PCDHA2: variants seen among roughly 807,000 people sequenced by gnomAD.
PCDHA2 encodes protocadherin alpha-2.
A neutral mutation model predicts 66.0 loss-of-function variants in PCDHA2; 58 were observed. The observed-to-expected ratio is 0.88, with a 90% confidence interval of 0.71 to 1.09. The LOEUF is 1.09. Ranked by LOEUF, PCDHA2 falls within the 50% of genes least tolerant of loss-of-function variation. The pLI is 0.00. For synonymous variants in PCDHA2, 634 were observed against 554.0 expected (o/e 1.14, Z -2.03); for missense variants, 1,267 against 1,242.3 (o/e 1.02, Z -0.30).
intron 1 of PCDHA2, chr5:140,811,807 A>G (rs1189354264): frequency 2.0e-5 from 3 of 152,152 alleles, no homozygotes; most frequent in African/African-American, 7.2e-5. Context: ...TCTTTTGAGA[A>G]GTGTCTGTTC....
At chr5:140,982,218 G>A (rs1054533925) in intron 2 of PCDHA2, 11 of 523,574 alleles carry the variant, frequency 2.1e-5, no homozygotes, top group African/African-American at 7.7e-5. Context: ...GCCACATGGC[G>A]TTAATAAAAA....
intron 1 of PCDHA2, chr5:140,825,838 T>A (rs1768731897): frequency 6.6e-6 from 1 of 152,416 alleles, no homozygotes; most frequent in Non-Finnish European, 1.5e-5. Context: ...AAAATAAATA[T>A]ACCATGATAC....
At chr5:140,991,614 A>G (rs1554252334) in intron 3 of PCDHA2, among the ~76,000 whole-genome samples, 2 of 152,194 alleles carry the variant, frequency 1.3e-5, no homozygotes, top group Non-Finnish European at 2.9e-5. Flanking sequence ...AGCACCTTTA[A>G]TGCCATATTT....
intron 3 of PCDHA2, among the ~76,000 whole-genome samples, chr5:140,995,046 A>C (rs193191582): frequency 1.9e-4 from 29 of 152,184 alleles, no homozygotes; most frequent in Non-Finnish European, 3.7e-4. Context: ...CCTTAACTCT[A>C]CTGAATTTTC....
At chr5:140,911,168 T>C (rs1315264734) in intron 1 of PCDHA2, among the ~76,000 whole-genome samples, 1 of 152,190 alleles carries the variant, frequency 6.6e-6, no homozygotes, top group Non-Finnish European at 1.5e-5. Context: ...GTGGAAAGGC[T>C]GATGGCAGTG....
Position 140,877,874 on chromosome 5 carries a change from C to T in PCDHA2, c.2388+80522C>T, listed in dbSNP as rs782471585. The T allele has an allele frequency of 2.7e-6, 4 of 1,477,338 alleles. No homozygotes were observed. The African/African-American group carries it at 5.7e-5, about 21-fold the overall frequency. The allele number at this position is 1,477,338 out of a possible 1,614,324, so 91.5% of individuals were successfully genotyped here. ...TAATATTATTTAGATATATTTGTTT[C>T]CTTGAAGAACTTCCGTTTAGGTTAT... is the stretch of plus-strand genomic sequence containing the variant. On this transcript the variant is annotated intron_variant, in intron 1 of 3. Transcript: ENST00000526136.
chr5:140,857,566 C>G, intron 1 of PCDHA2: 1 of 1,596,798 alleles, frequency 6.3e-7, no homozygotes, highest in South Asian at 1.1e-5. Flanking sequence ...TGTCGAGCTA[C>G]GTGTCGGTGC....
In PCDHA2 at chr5:140,858,343, G is replaced by A. The variant is rs1554151440; in HGVS notation, c.2388+60991G>A. On this transcript the variant is annotated intron_variant, in intron 1 of 3. Coordinates refer to ENST00000526136, the MANE Select transcript of PCDHA2 (RefSeq NM_018905.3). ...GTTCTGGGGAGGGCCTGCCCAAGGC[G>A]GACCTCATGGCCTTCAGCCCCAGCC... 9 of 1,594,924 alleles carry A rather than the reference G, an allele frequency of 5.6e-6. 1 individual carries two copies. The highest frequency in any genetic ancestry group is 6.9e-6 in the Non-Finnish European group (8 of 1,165,636).
Position 140,796,739 on chromosome 5 carries a change from C to T in PCDHA2, c.1775C>T (p.Ala592Val). Residue 592 changes from alanine to valine, a missense_variant, in exon 1 of 4, where the codon GCG (alanine) becomes GTG (valine). Physicochemically the swap from Ala to Val is moderately conservative, Grantham distance 64. Transcript: ENST00000526136. Reference sequence around the variant, plus strand: ...TCGGTGGGTGCAGGGCACGTGGTGGCGAAGGTGCGCGCAGTGGACGCTGAC... The same window carrying T: ...TCGGTGGGTGCAGGGCACGTGGTGGTGAAGGTGCGCGCAGTGGACGCTGAC... ...PWSVGAGHVV[A>V]KVRAVDADSG... 1 of 1,614,040 alleles carries T rather than the reference C, an allele frequency of 6.2e-7. No homozygotes were observed. The highest frequency in any genetic ancestry group is 8.5e-7 in the Non-Finnish European group (1 of 1,179,948).
At position 140,801,221 on chromosome 5, in the gene PCDHA2, TC is replaced by T. The variant is rs1762659295; in HGVS notation, c.2388+3871del. On this transcript the variant is annotated intron_variant, in intron 1 of 3. Transcript: ENST00000526136. ...CAATGTTGTTCTCCTGGCGAGAAGATCCTGGAGCCCAGTGCCTGCTGCTTTC... is the reference window on the plus strand; with the variant it reads ...CAATGTTGTTCTCCTGGCGAGAAGATCTGGAGCCCAGTGCCTGCTGCTTTC... The T allele has an allele frequency of 3.1e-6, 5 of 1,610,278 alleles. No homozygotes were observed. In the South Asian group the frequency reaches 4.4e-5, roughly 14 times the overall value.
intron 1 of PCDHA2, among the ~76,000 whole-genome samples, chr5:140,925,028 T>C (rs2082253756): frequency 6.6e-6 from 1 of 151,580 alleles, no homozygotes; most frequent in Admixed American, 6.6e-5. Context: ...GGAGGATCGC[T>C]TGAGCCCAGA....
At chr5:140,968,653 C>T (rs1301566656) in intron 1 of PCDHA2, 1 of 1,614,150 alleles carries the variant, frequency 6.2e-7, no homozygotes, top group Non-Finnish European at 8.5e-7. Flanking sequence ...AGACTTCTGA[C>T]CTGGACCTCT....
intron 1 of PCDHA2, chr5:140,859,021 T>C (rs537770888): frequency 6.6e-6 from 1 of 151,436 alleles, no homozygotes; most frequent in Admixed American, 6.6e-5. Context: ...GCAATTAAGT[T>C]AAATGCTTTG....
At chr5:140,899,494 T>C (rs1387191802) in intron 1 of PCDHA2, among the ~76,000 whole-genome samples, 3 of 152,250 alleles carry the variant, frequency 2.0e-5, no homozygotes, top group Admixed American at 2.0e-4. Flanking sequence ...GGATTACATT[T>C]ATTGATTTGC....
At chr5:140,864,164 C>T (rs80100422) in intron 1 of PCDHA2, 19,126 of 151,926 alleles carry the variant, frequency 0.13, 1,273 homozygotes, top group Middle Eastern at 0.19. Context: ...TAAATCTTAC[C>T]GGAAGGATCA....
chr5:140,961,599 G>A (rs1012408317), intron 1 of PCDHA2, among the ~76,000 whole-genome samples: 3 of 152,062 alleles, frequency 2.0e-5, no homozygotes, highest in Non-Finnish European at 4.4e-5. Flanking sequence ...AATGATTCTA[G>A]TAAATGAAAC....
At chr5:140,926,899 G>A (rs1554203765) in intron 1 of PCDHA2, 2 of 1,552,028 alleles carry the variant, frequency 1.3e-6, no homozygotes, top group Non-Finnish European at 1.7e-6. Context: ...GAGGATGGTG[G>A]GCTGTGGGGT....
At chr5:140,902,558 T>G (rs2069554536) in intron 1 of PCDHA2, among the ~76,000 whole-genome samples, 2 of 152,242 alleles carry the variant, frequency 1.3e-5, no homozygotes, top group South Asian at 4.1e-4. Context: ...ACCCAGATTT[T>G]TGAGGGTTTT....
intron 1 of PCDHA2, among the ~76,000 whole-genome samples, chr5:140,946,813 G>T (rs2094033515): frequency 6.6e-6 from 1 of 151,408 alleles, no homozygotes; most frequent in South Asian, 2.1e-4. Flanking sequence ...GTATAACAGT[G>T]ATTACCAGAG....
Sources: allele counts gnomAD v4.1 joint callset (sites outside exome capture counted in the v4.1 genomes callset), GRCh38; gene constraint gnomAD v4.1.1; transcripts MANE v1.5; gene names NCBI Gene and HGNC (gene_info 2026-07-23, HGNC 2026-07-21).